Variants in GLG1 observed in about 807,000 individuals in gnomAD.
The protein encoded by GLG1 is golgi glycoprotein 1.
GLG1 carries 38 observed loss-of-function variants against 160.5 expected under a neutral mutation model. The observed-to-expected ratio is 0.24, with a 90% CI of 0.18 to 0.31. The LOEUF (loss-of-function observed/expected upper bound fraction) is 0.31, where lower values mean the gene tolerates loss of function less well. Among genes scored for constraint, GLG1 ranks in the 10% least tolerant of loss-of-function variants. The probability of loss-of-function intolerance (pLI) is 1.00; values close to 1 mark genes in which losing one functional copy is unlikely to be tolerated. For synonymous variants in GLG1, 644 were observed against 543.4 expected (o/e 1.19, Z -2.57); for missense variants, 1,373 against 1,505.2 (o/e 0.91, Z 1.45).
chr16:74,464,996 AC>A lies in GLG1; in HGVS notation c.2667+679del, dbSNP rs1026614052. ...TGGGACTACAGGCATGTGCCACCACACCCGGCTAATTTTTGTATTTTTAGTA... is the reference window on the plus strand; with the variant it reads ...TGGGACTACAGGCATGTGCCACCACACCGGCTAATTTTTGTATTTTTAGTA... On this transcript the variant is annotated intron_variant, in intron 19 of 25. Coordinates refer to ENST00000422840, the MANE Select transcript of GLG1 (RefSeq NM_001145667.2). Among the ~76,000 whole-genome samples the A allele has an allele frequency of 9.9e-5, 15 of 152,140 alleles. 2 individuals are homozygous for A. The highest frequency in any genetic ancestry group is 1.9e-4 in the East Asian group (1 of 5,148).
At chr16:74,562,486 G>T (rs965215260) in intron 1 of GLG1, among the ~76,000 whole-genome samples, 3 of 152,044 alleles carry the variant, frequency 2.0e-5, no homozygotes, top group African/African-American at 7.2e-5. Context: ...TCTGTAGATG[G>T]TCTCACTCTG....
intron 3 of GLG1, among the ~76,000 whole-genome samples, chr16:74,508,335 A>G (rs1484680906): frequency 6.6e-6 from 1 of 151,988 alleles, no homozygotes; most frequent in Non-Finnish European, 1.5e-5. Flanking sequence ...AAACCGTTAA[A>G]AAAAAAAGAA....
intron 1 of GLG1, among the ~76,000 whole-genome samples, chr16:74,579,484 G>C (rs1307235827): frequency 6.6e-6 from 1 of 151,842 alleles, no homozygotes; most frequent in Admixed American, 6.6e-5. Flanking sequence ...CACTTTGGGA[G>C]GCCGAAGTGG....
intron 1 of GLG1, among the ~76,000 whole-genome samples, chr16:74,554,995 G>C (rs989204289): frequency 3.3e-5 from 5 of 152,276 alleles, no homozygotes; most frequent in South Asian, 2.1e-4. Context: ...CAACCTGAGC[G>C]ACTGAGCAAA....
At chr16:74,588,207 G>A (rs1958095252) in intron 1 of GLG1, among the ~76,000 whole-genome samples, 3 of 152,064 alleles carry the variant, frequency 2.0e-5, no homozygotes, top group Admixed American at 1.3e-4. Context: ...CAAAAAAACT[G>A]TCTGAAGAAA....
intron 2 of GLG1, among the ~76,000 whole-genome samples, chr16:74,518,137 T>C (rs1343862114): frequency 6.6e-6 from 1 of 152,186 alleles, no homozygotes; most frequent in Non-Finnish European, 1.5e-5. Context: ...AAGTAATTTA[T>C]AGAGTCAATG....
chr16:74,488,011 A>G (rs2015852552), intron 8 of GLG1, among the ~76,000 whole-genome samples: 1 of 152,212 alleles, frequency 6.6e-6, no homozygotes, highest in Non-Finnish European at 1.5e-5. Flanking sequence ...TCTTTGGCCT[A>G]GGAGAGCCTG....
chr16:74,482,040 G>A (rs1313917622), intron 10 of GLG1, among the ~76,000 whole-genome samples: 3 of 151,838 alleles, frequency 2.0e-5, no homozygotes, highest in East Asian at 1.9e-4. Flanking sequence ...CTCCCACCTC[G>A]GACTCCCAAA....
intron 1 of GLG1, among the ~76,000 whole-genome samples, chr16:74,557,641 G>A (rs1028061945): frequency 6.6e-6 from 1 of 152,194 alleles, no homozygotes; most frequent in Non-Finnish European, 1.5e-5. Flanking sequence ...AGGAAGCAAA[G>A]GAGGCTAAAG....
chr16:74,517,161 C>G (rs1407917335), intron 2 of GLG1, among the ~76,000 whole-genome samples: 3 of 152,168 alleles, frequency 2.0e-5, no homozygotes, highest in African/African-American at 7.2e-5. Context: ...TGAAACTATT[C>G]CAATCAATAG....
chr16:74,508,313 CAA>C (rs35839355), intron 3 of GLG1, among the ~76,000 whole-genome samples: 36 of 106,212 alleles, frequency 3.4e-4, no homozygotes, highest in African/African-American at 1.2e-3. Context: ...ATTATTGATT[CAA>C]AAAAAAAAAA....
intron 1 of GLG1, among the ~76,000 whole-genome samples, chr16:74,599,237 G>C (rs903607801): frequency 1.4e-4 from 21 of 152,126 alleles, no homozygotes; most frequent in Admixed American, 9.8e-4. Flanking sequence ...ACCAGCTAGA[G>C]GTGAATATAC....
At chr16:74,602,027 G>A (rs1373081971) in intron 1 of GLG1, among the ~76,000 whole-genome samples, 1 of 152,028 alleles carries the variant, frequency 6.6e-6, no homozygotes, top group Non-Finnish European at 1.5e-5. Context: ...GATAATGATA[G>A]TCATTATCAA....
intron 1 of GLG1, among the ~76,000 whole-genome samples, chr16:74,555,191 G>T (rs2018319154): frequency 6.6e-6 from 1 of 151,938 alleles, no homozygotes; most frequent in South Asian, 2.1e-4. Flanking sequence ...TTTACAAATT[G>T]TAACTTTTCC....
chr16:74,483,734 C>T (rs1032094861), intron 9 of GLG1, among the ~76,000 whole-genome samples: 2 of 151,576 alleles, frequency 1.3e-5, no homozygotes, highest in Non-Finnish European at 2.9e-5. Flanking sequence ...CCTTGGCTCA[C>T]GCAAGCTCCG....
At chr16:74,570,375 C>G (rs1173188436) in intron 1 of GLG1, among the ~76,000 whole-genome samples, 3 of 152,094 alleles carry the variant, frequency 2.0e-5, no homozygotes, top group African/African-American at 7.2e-5. Flanking sequence ...AATTGTGAAG[C>G]ATTTCTCAGC....
At chr16:74,505,211 C>G (rs151139577) in intron 3 of GLG1, among the ~76,000 whole-genome samples, 98 of 152,318 alleles carry the variant, frequency 6.4e-4, no homozygotes, top group African/African-American at 2.1e-3. Context: ...ATCCTATAGG[C>G]AACAGGTTGT....
At chr16:74,571,369 T>C (rs1386531310) in intron 1 of GLG1, among the ~76,000 whole-genome samples, 1 of 152,092 alleles carries the variant, frequency 6.6e-6, no homozygotes, top group Admixed American at 6.6e-5. Context: ...TATGTAGTTG[T>C]TGTTCTTGAG....
Position 74,508,836 on chromosome 16 carries a change from T to C in GLG1, c.558+3A>G, listed in dbSNP as rs949580059. On this transcript the variant is annotated splice_donor_region_variant and intron_variant, in intron 3 of 25. Coordinates refer to ENST00000422840, the MANE Select transcript of GLG1 (RefSeq NM_001145667.2). ...TTGTCTACAAAATTCTTTGACAACT[T>C]ACCTCTGTTATAGTAGATTTGCAAA... 9 of 1,324,206 alleles carry C rather than the reference T, an allele frequency of 6.8e-6. No individual in the cohort carries two copies. The highest frequency in any genetic ancestry group is 9.8e-6 in the Non-Finnish European group (9 of 916,702). 82.0% of individuals were successfully genotyped at this position (1,324,206 alleles called of 1,614,324 possible).
Sources: gnomAD v4.1 joint callset for allele counts (sites outside exome capture counted in the v4.1 genomes callset) on GRCh38, gnomAD v4.1.1 for gene constraint, MANE v1.5 for transcripts, NCBI Gene and HGNC (gene_info 2026-07-23, HGNC 2026-07-21) for gene names.